AGBL3: variants seen among roughly 807,000 people sequenced by gnomAD.
The protein encoded by AGBL3 is cytosolic carboxypeptidase 3.
A neutral mutation model predicts 94.5 loss-of-function variants in AGBL3; 68 were observed. That is an observed-to-expected ratio of 0.72 (90% CI 0.59 to 0.88). AGBL3 has a LOEUF of 0.88. Ranked by LOEUF, AGBL3 falls within the 40% of genes least tolerant of loss-of-function variation. The pLI, the probability that AGBL3 is intolerant of heterozygous loss-of-function variation, is 0.00. For missense variants in AGBL3, 934 were observed against 1,103.8 expected, an observed-to-expected ratio of 0.85 and a Z score of 2.18; for synonymous variants, 354 against 370.7, an observed-to-expected ratio of 0.95 and a Z score of 0.52.
In AGBL3 at chr7:135,017,151, C is replaced by G; in HGVS notation, c.410C>G (p.Ala137Gly). ...DSKEATVVYL[A>G]EDAYKEPCFV... The stretch of plus-strand genomic sequence containing the variant: ...AAGGAAGCTACTGTGGTTTATCTAG[C>G]TGAAGATGGTGAGCACATAATGACA... The change falls in exon 5 of 17, where the codon GCT becomes GGT. Residue 137 changes from alanine (A) to glycine (G), a missense_variant. Coordinates refer to ENST00000436302, the MANE Select transcript of AGBL3 (RefSeq NM_178563.4). 2 of 1,537,458 alleles carry G rather than the reference C, an allele frequency of 1.3e-6. No homozygotes were observed. Among genetic ancestry groups the G allele is most frequent in the Non-Finnish European group, 1.8e-6 (2 of 1,133,638 alleles).
At chr7:135,062,705 G>A (rs1818947319) in intron 12 of AGBL3, among the ~76,000 whole-genome samples, 1 of 152,042 alleles carries the variant, frequency 6.6e-6, no homozygotes, top group Admixed American at 6.6e-5. Flanking sequence ...GTATTCCTGG[G>A]ATGAATCTCA....
At chr7:135,101,316 A>G in intron 15 of AGBL3, 1 of 453,166 alleles carries the variant, frequency 2.2e-6, no homozygotes, top group South Asian at 1.6e-5. Flanking sequence ...TTTCATGCAT[A>G]CAAAGATGGT....
At chr7:135,015,062 C>T (rs774839627) in intron 4 of AGBL3, among the ~76,000 whole-genome samples, 4 of 152,128 alleles carry the variant, frequency 2.6e-5, no homozygotes, top group Non-Finnish European at 4.4e-5. Flanking sequence ...TAGAATTTTC[C>T]AGGCTACTTG....
chr7:135,135,457 A>C lies in AGBL3; in HGVS notation c.*196A>C, dbSNP rs1829305049. ...TTCAGAGATTTAAAAAGAAATCCAG[A>C]GAAAATATGGAAAAATATTAAAGCA... On this transcript the variant is annotated 3_prime_UTR_variant, in exon 17 of 17. Coordinates refer to ENST00000436302, the MANE Select transcript of AGBL3 (RefSeq NM_178563.4). 2.5e-6 allele frequency: 1 copy of C among 401,100 alleles called. No homozygotes were observed. Among genetic ancestry groups the C allele is most frequent in the Non-Finnish European group, 4.3e-6 (1 of 230,824 alleles). The allele number at this position is 401,100 out of a possible 1,614,324, so 24.8% of individuals were successfully genotyped here. A position where few individuals can be genotyped will look rare whatever the true frequency, so the allele number is the denominator to read the frequency against.
At chr7:135,054,197 G>A (rs776667156) in intron 11 of AGBL3, among the ~76,000 whole-genome samples, 8 of 152,102 alleles carry the variant, frequency 5.3e-5, no homozygotes, top group African/African-American at 9.7e-5. Flanking sequence ...TCTTGCCTTT[G>A]GCTGTCTTTA....
chr7:135,103,880 A>AT (rs545154405), intron 15 of AGBL3, among the ~76,000 whole-genome samples: 18 of 150,604 alleles, frequency 1.2e-4, no homozygotes, highest in African/African-American at 3.2e-4. Flanking sequence ...CAACTGCTTT[A>AT]TTTTTTTTTA....
chr7:135,025,938 T>G (rs1429572208), intron 5 of AGBL3, among the ~76,000 whole-genome samples: 1 of 151,604 alleles, frequency 6.6e-6, no homozygotes, highest in Non-Finnish European at 1.5e-5. Context: ...AAGTTCTTCT[T>G]GACCTATAAA....
chr7:135,126,215 G>A (rs112238093), intron 16 of AGBL3, among the ~76,000 whole-genome samples: 7,736 of 152,260 alleles, frequency 0.051, 262 homozygotes, highest in Non-Finnish European at 0.08. Flanking sequence ...CAGAATCAAT[G>A]TGCAAAAATC....
At chr7:135,119,975 C>T (rs370808868) in intron 16 of AGBL3, among the ~76,000 whole-genome samples, 2 of 152,144 alleles carry the variant, frequency 1.3e-5, no homozygotes, top group South Asian at 2.1e-4. Context: ...CATCAAAACC[C>T]ACAAAGCACA....
intron 12 of AGBL3, 95 bp from the exon 13 acceptor site, chr7:135,076,301 TC>T (rs1484302690): frequency 2.1e-6 from 2 of 955,332 alleles, no homozygotes; most frequent in Non-Finnish European, 3.2e-6. Flanking sequence ...CTTCTCATCT[TC>T]TTAGAAGTGG....
chr7:135,134,855 C>T lies in AGBL3; in HGVS notation c.2357C>T (p.Thr786Ile), dbSNP rs1288278703. 5.8e-6 allele frequency: 9 copies of T among 1,549,578 alleles called. No homozygotes were observed. The East Asian group carries it at 2.0e-4, about 34-fold the overall frequency. The change falls in exon 17 of 17, where the codon ACT (threonine) becomes ATT (isoleucine). Residue 786 changes from threonine to isoleucine, a missense_variant. Thr to Ile is a moderately conservative substitution (Grantham distance 89, BLOSUM62 -1). Coordinates refer to ENST00000436302, the MANE Select transcript of AGBL3 (RefSeq NM_178563.4). ...FQIQHQLNPA[T>I]CRNIKKYSTS... ...TTCTTTTCTAGACTAAATCCGGCTACTTGCAGAAATATAAAGAAATACAGC... is the reference window on the plus strand; with the variant it reads ...TTCTTTTCTAGACTAAATCCGGCTATTTGCAGAAATATAAAGAAATACAGC...
intron 11 of AGBL3, among the ~76,000 whole-genome samples, chr7:135,049,704 C>T (rs1817699821): frequency 6.6e-6 from 1 of 151,688 alleles, no homozygotes; most frequent in Admixed American, 6.6e-5. Context: ...GTTGTTATAC[C>T]ACTGTTCATA....
chr7:135,120,330 A>C (rs1826966103), intron 16 of AGBL3, among the ~76,000 whole-genome samples: 1 of 152,238 alleles, frequency 6.6e-6, no homozygotes, highest in South Asian at 2.1e-4. Context: ...AAATGTGAGA[A>C]GGTAAAAGGA....
At chr7:135,058,244 C>G (rs868372741) in intron 11 of AGBL3, among the ~76,000 whole-genome samples, 2 of 152,000 alleles carry the variant, frequency 1.3e-5, no homozygotes, top group Middle Eastern at 3.2e-3. Flanking sequence ...TTCTGTAAAC[C>G]TAGAACTTTT....
intron 12 of AGBL3, among the ~76,000 whole-genome samples, chr7:135,062,403 T>A (rs988321175): frequency 2.6e-5 from 4 of 152,222 alleles, no homozygotes; most frequent in African/African-American, 9.6e-5. Flanking sequence ...CTATGTTGAA[T>A]AGAAGTGGTA....
At chr7:135,028,888 C>A (rs1456670856) in intron 5 of AGBL3, among the ~76,000 whole-genome samples, 1 of 152,154 alleles carries the variant, frequency 6.6e-6, no homozygotes, top group Non-Finnish European at 1.5e-5. Flanking sequence ...GTTTCGTTAA[C>A]AGGCATGAAA....
At chr7:135,056,621 T>TA (rs780536870) in intron 11 of AGBL3, among the ~76,000 whole-genome samples, 101 of 150,968 alleles carry the variant, frequency 6.7e-4, no homozygotes, top group Non-Finnish European at 1.0e-3. Context: ...AATTTAAAAT[T>TA]AAAAAAAAAT....
chr7:135,044,287 C>T, intron 9 of AGBL3, 136 bp downstream of exon 9: 1 of 888,486 alleles, frequency 1.1e-6, no homozygotes, highest in Non-Finnish European at 1.5e-6. Flanking sequence ...ATTCTATAAA[C>T]AGGATGAATA....
intron 13 of AGBL3, among the ~76,000 whole-genome samples, chr7:135,079,411 G>T (rs771307446): frequency 1.3e-5 from 2 of 151,938 alleles, no homozygotes; most frequent in Non-Finnish European, 2.9e-5. Flanking sequence ...ATATGAAGAG[G>T]TGGGTTTGAG....
Sources: allele counts gnomAD v4.1 joint callset (sites outside exome capture counted in the v4.1 genomes callset), GRCh38; gene constraint gnomAD v4.1.1; transcripts MANE v1.5; gene names NCBI Gene and HGNC (gene_info 2026-07-23, HGNC 2026-07-21).